Variants in ZNF433 observed in about 807,000 individuals in gnomAD.
ZNF433 encodes zinc finger protein 433.
ZNF433 carries 12 observed loss-of-function variants against 10.6 expected under a neutral mutation model. That is an observed-to-expected ratio of 1.13 (90% confidence interval 0.72 to 1.83). The LOEUF is 1.83. Among genes scored for constraint, ZNF433 ranks in the 40% most tolerant of loss-of-function variants. The pLI is 0.00. For missense variants in ZNF433, 737 were observed against 798.0 expected (o/e 0.92, Z 0.92); for synonymous variants, 272 against 271.3 (o/e 1.00, Z -0.02).
Position 12,014,859 on chromosome 19 carries a change from T to A in ZNF433, c.1999A>T (p.Ile667Leu). 6.3e-7 allele frequency: 1 copy of A among 1,582,688 alleles called. No homozygotes were observed. Residue 667 changes from isoleucine to leucine, a missense_variant, in exon 4 of 4, where the codon ATA becomes TTA. Coordinates refer to ENST00000550507, the MANE Select transcript of ZNF433 (RefSeq NM_001308348.2). ...QLQVHGRAHCIDTP is the reference protein window; with the variant it reads ...QLQVHGRAHCLDTP ...AAAGCCTGGGGTTATGGGGTGTCTA[T>A]GCAGTGAGCCCTTCCATGCACTTGA...
At chr19:12,017,798 C>CTTT (rs57013722) in intron 3 of ZNF433, 78 bp downstream of exon 3, 597 of 765,154 alleles carry the variant, frequency 7.8e-4, no homozygotes, top group African/African-American at 2.6e-3. Flanking sequence ...CTTTTGTTTC[C>CTTT]TTTTTTTTTT....
At chr19:12,028,255 G>C (rs1974833949) in intron 1 of ZNF433, among the ~76,000 whole-genome samples, 1 of 151,852 alleles carries the variant, frequency 6.6e-6, no homozygotes, top group African/African-American at 2.4e-5. Context: ...TCAATGTTAT[G>C]GTCAAATGAC....
chr19:12,016,157 T>A lies in ZNF433; in HGVS notation c.701A>T (p.His234Leu). 6.2e-7 allele frequency: 1 copy of A among 1,614,038 alleles called. No individual in the cohort carries two copies. The highest frequency in any genetic ancestry group is 8.5e-7 in the Non-Finnish European group (1 of 1,179,986). ...TTCATGTATTCGAAGGCTACTAGAA[T>A]GACTAAAGGCTTTACCACACTGTTT... is the stretch of plus-strand genomic sequence containing the variant. Reference protein sequence around the residue: ...QCKQCGKAFSHSSSLRIHERT... With the variant: ...QCKQCGKAFSLSSSLRIHERT... Residue 234 changes from histidine (H) to leucine (L), a missense_variant, in exon 4 of 4, where the codon CAT becomes CTT. Physicochemically the swap from His to Leu is moderately conservative, Grantham distance 99. Transcript: ENST00000550507.
intron 1 of ZNF433, among the ~76,000 whole-genome samples, chr19:12,031,317 A>AAAAAAAAAC (rs1975016500): frequency 1.7e-5 from 2 of 116,972 alleles, no homozygotes; most frequent in African/African-American, 5.7e-5. Context: ...AAAACAAAAC[A>AAAAAAAAAC]AAAAAAAAAA....
intron 1 of ZNF433, among the ~76,000 whole-genome samples, chr19:12,021,190 C>A (rs1002463889): frequency 6.6e-6 from 1 of 151,896 alleles, no homozygotes; most frequent in African/African-American, 2.4e-5. Flanking sequence ...ACCATGTTGG[C>A]CAAGCTGGTC....
chr19:12,015,785 G>A lies in ZNF433; in HGVS notation c.1073C>T (p.Thr358Ile), dbSNP rs1974151418. ...CTTACATTTATGAGATATCTCTCCA[G>A]TGTGCATTCCCAAGTGGTTTTGAAA... ...TSFQNHLGMH[T>I]GEISHKCKIC... The change falls in exon 4 of 4, where the codon ACT becomes ATT. Residue 358 changes from threonine (T) to isoleucine (I), a missense_variant. Transcript: ENST00000550507. The A allele has an allele frequency of 6.2e-7, 1 of 1,614,136 alleles. No homozygotes were observed. The highest frequency in any genetic ancestry group is 8.5e-7 in the Non-Finnish European group (1 of 1,180,016).
intron 1 of ZNF433, chr19:12,025,056 T>C (rs1000863000): frequency 3.3e-5 from 5 of 152,326 alleles, no homozygotes; most frequent in East Asian, 1.9e-4. Flanking sequence ...TTTAAACCAA[T>C]TGAAGGTACT....
intron 3 of ZNF433, 136 bp from the exon 4 acceptor site, chr19:12,016,802 G>A: frequency 7.9e-7 from 1 of 1,259,064 alleles, no homozygotes. Context: ...GGAGTGTAGT[G>A]GTGCGATCTT....
chr19:12,031,945 CTTT>C (rs578040123), intron 1 of ZNF433, among the ~76,000 whole-genome samples: 1 of 107,538 alleles, frequency 9.3e-6, no homozygotes. Context: ...TTCTCTTTTT[CTTT>C]TTTTTTTTTT....
At chr19:12,029,807 C>T (rs1046876305) in intron 1 of ZNF433, among the ~76,000 whole-genome samples, 3 of 151,166 alleles carry the variant, frequency 2.0e-5, no homozygotes, top group Admixed American at 6.6e-5. Context: ...GCTGGCCGGG[C>T]GCGGTGGCTC....
At chr19:12,017,050 C>A (rs1974243163) in intron 3 of ZNF433, among the ~76,000 whole-genome samples, 1 of 151,862 alleles carries the variant, frequency 6.6e-6, no homozygotes, top group South Asian at 2.1e-4. Flanking sequence ...CCTGCACTTC[C>A]ATTTTTAACA....
chr19:12,020,930 A>C (rs898202483), intron 1 of ZNF433, among the ~76,000 whole-genome samples: 20 of 150,188 alleles, frequency 1.3e-4, no homozygotes, highest in Non-Finnish European at 1.3e-4. Flanking sequence ...AAAAAAAAAA[A>C]CAGCACTAAG....
intron 1 of ZNF433, among the ~76,000 whole-genome samples, chr19:12,028,789 C>G (rs1974861134): frequency 6.6e-6 from 1 of 152,160 alleles, no homozygotes. Context: ...GCCTTGACTT[C>G]CCAGGCTCAA....
chr19:12,015,069 C>CA lies in ZNF433; in HGVS notation c.1788dup (p.Gly597TrpfsTer20). 6.2e-7 allele frequency: 1 copy of CA among 1,611,402 alleles called. No homozygotes were observed. ...TGCATTTGAAGTCGCGAGGCACATC[C>CA]AAAAGACTTCCCACACTGCTTACAT... On this transcript the variant is annotated frameshift_variant, in exon 4 of 4. Transcript: ENST00000550507. LOFTEE classifies it low-confidence loss of function (END_TRUNC).
Position 12,015,109 on chromosome 19 carries a change from T to C in ZNF433, c.1749A>G (p.Gly583=). Residue 583 remains glycine, a synonymous_variant, in exon 4 of 4, where the codon GGA becomes GGG. Transcript: ENST00000550507. ...ACTGCTTACATTCATAGGGTTTCTCTCCAGTGTGAGTCCTTCCATGCATTT... is the reference window on the plus strand; with the variant it reads ...ACTGCTTACATTCATAGGGTTTCTCCCCAGTGTGAGTCCTTCCATGCATTT... ...HLQMHGRTHT[G]EKPYECKQCG... 1.2e-6 allele frequency: 2 copies of C among 1,614,116 alleles called. No individual in the cohort carries two copies. The highest frequency in any genetic ancestry group is 1.7e-6 in the Non-Finnish European group (2 of 1,180,000).
At position 12,020,266 on chromosome 19, in the gene ZNF433, T is replaced by C. The variant is rs560015749; in HGVS notation, c.4-1974A>G. ...CAGCCAGGGCAAGAGAGCAAGACTC[T>C]GTCTCAAAAAAATTTTAAAAAAAAA... On this transcript the variant is annotated intron_variant, in intron 1 of 3. Coordinates refer to ENST00000550507, the MANE Select transcript of ZNF433 (RefSeq NM_001308348.2). 2.6e-5 allele frequency among the ~76,000 whole-genome samples: 4 copies of C among 152,010 alleles called. 1 individual carries two copies. The highest frequency in any genetic ancestry group is 9.6e-5 in the African/African-American group (4 of 41,468).
At position 12,016,678 on chromosome 19, in the gene ZNF433, A is replaced by T. The variant is rs748897777; in HGVS notation, c.192-12T>A. ...TCTCTCCCACAATTCTGTGAACAAT[A>T]AGAAGTACATTATAATGGGTTTGAT... On this transcript the variant is annotated splice_polypyrimidine_tract_variant and intron_variant, in intron 3 of 3. Coordinates refer to ENST00000550507, the MANE Select transcript of ZNF433 (RefSeq NM_001308348.2). 4 of 1,610,514 alleles carry T rather than the reference A, an allele frequency of 2.5e-6. No individual in the cohort carries two copies. The African/African-American group carries it at 5.4e-5, about 22-fold the overall frequency.
chr19:12,028,752 G>A (rs1397068347), intron 1 of ZNF433, among the ~76,000 whole-genome samples: 1 of 152,186 alleles, frequency 6.6e-6, no homozygotes, highest in African/African-American at 2.4e-5. Context: ...ATGCTATGGT[G>A]CAGGGGCATG....
Position 12,016,585 on chromosome 19 carries a change from C to T in ZNF433, c.273G>A (p.Leu91=). ...ATTTTACTCCAGTAGTTGTTTTCTT[C>T]AGCATGTCATCTGGAACCTGGGTCA... is the stretch of plus-strand genomic sequence containing the variant. The part of the protein sequence containing the change: ...EILTQVPDDM[L]KKTTTGVKSC... The change falls in exon 4 of 4, where the codon CTG becomes CTA. Residue 91 remains leucine (L), a synonymous_variant. Transcript: ENST00000550507. The T allele has an allele frequency of 6.2e-7, 1 of 1,614,142 alleles. No individual in the cohort carries two copies.
Sources: allele counts gnomAD v4.1 joint callset (sites outside exome capture counted in the v4.1 genomes callset), GRCh38; gene constraint gnomAD v4.1.1; transcripts MANE v1.5; gene names NCBI Gene and HGNC (gene_info 2026-07-23, HGNC 2026-07-21).